TEKT1: variants seen among roughly 807,000 people sequenced by gnomAD.
TEKT1 encodes the protein tektin-1.
TEKT1 carries 32 observed loss-of-function variants against 34.8 expected under a neutral mutation model. That is an observed-to-expected ratio of 0.92 (90% CI 0.69 to 1.23). The LOEUF (loss-of-function observed/expected upper bound fraction) is 1.23, where lower values mean the gene tolerates loss of function less well. TEKT1 is among the 50% of genes most tolerant of loss of function. The probability of loss-of-function intolerance (pLI) is 0.00; values close to 1 mark genes in which losing one functional copy is unlikely to be tolerated. For synonymous variants in TEKT1, 207 were observed against 199.8 expected, an observed-to-expected ratio of 1.04 and a Z score of -0.30; for missense variants, 492 against 518.5, an observed-to-expected ratio of 0.95 and a Z score of 0.50.
At chr17:6,830,087 T>C (rs1268371333) in intron 2 of TEKT1, 100 bp downstream of exon 2, 1 of 1,199,936 alleles carries the variant, frequency 8.3e-7, no homozygotes, top group African/African-American at 1.6e-5. Flanking sequence ...TTCTCTAATA[T>C]TCAAAAATAA....
chr17:6,806,876 C>T (rs1976852241), intron 6 of TEKT1, among the ~76,000 whole-genome samples: 1 of 152,138 alleles, frequency 6.6e-6, no homozygotes, highest in Non-Finnish European at 1.5e-5. Flanking sequence ...GGTAACCCAA[C>T]CTTTCTCTCT....
intron 3 of TEKT1, among the ~76,000 whole-genome samples, chr17:6,816,984 T>C (rs1195628652): frequency 6.6e-6 from 1 of 152,082 alleles, no homozygotes; most frequent in African/African-American, 2.4e-5. Flanking sequence ...GGACTTTTTT[T>C]CCCAAGAAGA....
chr17:6,818,318 A>C (rs117663816), intron 3 of TEKT1, among the ~76,000 whole-genome samples: 5,621 of 152,286 alleles, frequency 0.037, 145 homozygotes, highest in Middle Eastern at 0.14. Context: ...ATAGGGGACT[A>C]TGCTAACAGC....
At position 6,801,805 on chromosome 17, in the gene TEKT1, C is replaced by T. The variant is rs573852971; in HGVS notation, c.853-862G>A. ...GTTTAAAATATATTTCTTCATTAAGCATTTTTTTTAAAACTTGTACATCTA... is the reference window on the plus strand; with the variant it reads ...GTTTAAAATATATTTCTTCATTAAGTATTTTTTTTAAAACTTGTACATCTA... On this transcript the variant is annotated intron_variant, in intron 6 of 7. Coordinates refer to ENST00000338694, the MANE Select transcript of TEKT1 (RefSeq NM_053285.2). Among the ~76,000 whole-genome samples the T allele has an allele frequency of 1.8e-4, 27 of 152,228 alleles. No individual in the cohort carries two copies. The South Asian group carries it at 5.0e-3, about 28-fold the overall frequency.
Position 6,830,327 on chromosome 17 carries a change from T to C in TEKT1, c.50A>G (p.His17Arg). Residue 17 changes from histidine to arginine, a missense_variant, in exon 2 of 8, where the codon CAC becomes CGC. By Grantham distance (29) the His-to-Arg change is conservative. Coordinates refer to ENST00000338694, the MANE Select transcript of TEKT1 (RefSeq NM_053285.2). ...PPPKFLPSEWHIANKNQYHRA... is the reference protein window; with the variant it reads ...PPPKFLPSEWRIANKNQYHRA... ...GTGGTACTGGTTCTTGTTAGCAATG[T>C]GCCACTCTGAGGGCAGGAACTTGGG... is the stretch of plus-strand genomic sequence containing the variant. 6.2e-7 allele frequency: 1 copy of C among 1,608,666 alleles called. No individual in the cohort carries two copies. Among genetic ancestry groups the C allele is most frequent in the Non-Finnish European group, 8.5e-7 (1 of 1,179,096 alleles).
chr17:6,818,418 A>G (rs1230250764), intron 3 of TEKT1, among the ~76,000 whole-genome samples: 1 of 151,946 alleles, frequency 6.6e-6, no homozygotes, highest in Admixed American at 6.6e-5. Context: ...GGATCATTCT[A>G]TTCACTGGAT....
At position 6,830,198 on chromosome 17, in the gene TEKT1, T is replaced by C. The variant is rs757149528; in HGVS notation, c.179A>G (p.Asn60Ser). ...GCATGTTGTCTTACCTAGTTTCTTG[T>C]TCACATCGCTTTGAGATTTTCTTGT... ...KTTRKSQSDV[N>S]KKLEQRLEEV... The change falls in exon 2 of 8, where the codon AAC becomes AGC. Residue 60 changes from asparagine (N) to serine (S), a missense_variant. By Grantham distance (46) the Asn-to-Ser change is conservative. Coordinates refer to ENST00000338694, the MANE Select transcript of TEKT1 (RefSeq NM_053285.2). The C allele has an allele frequency of 1.9e-6, 3 of 1,609,462 alleles. No homozygotes were observed. The highest frequency in any genetic ancestry group is 1.3e-5 in the African/African-American group (1 of 74,530).
intron 5 of TEKT1, 34 bp from the exon 6 acceptor site, chr17:6,813,087 A>T (rs747647024): frequency 3.5e-5 from 55 of 1,580,446 alleles, no homozygotes; most frequent in Middle Eastern, 1.7e-4. Context: ...TTCACAGCAT[A>T]TTTGGGGTGG....
chr17:6,801,703 G>A (rs544064161), intron 6 of TEKT1, among the ~76,000 whole-genome samples: 92 of 151,852 alleles, frequency 6.1e-4, no homozygotes, highest in African/African-American at 1.9e-3. Context: ...GTGAGACTCC[G>A]CCTCAGAAAA....
At chr17:6,810,778 G>T (rs1976916113) in intron 6 of TEKT1, among the ~76,000 whole-genome samples, 1 of 151,842 alleles carries the variant, frequency 6.6e-6, no homozygotes, top group South Asian at 2.1e-4. Flanking sequence ...CGCTCTTATT[G>T]CCCAGGCTGG....
intron 6 of TEKT1, among the ~76,000 whole-genome samples, chr17:6,807,265 A>G (rs868335633): frequency 5.3e-5 from 8 of 152,302 alleles, no homozygotes; most frequent in Admixed American, 2.6e-4. Flanking sequence ...CGAATTGGCT[A>G]CTGAGGCTTG....
chr17:6,822,735 C>T (rs1977110960), intron 2 of TEKT1, among the ~76,000 whole-genome samples: 1 of 152,192 alleles, frequency 6.6e-6, no homozygotes, highest in African/African-American at 2.4e-5. Flanking sequence ...TCTCTATGCA[C>T]TATCTGTCTC....
rs138123390 is a variant in TEKT1, at chr17:6,801,305, C to A, written c.853-362G>T. On this transcript the variant is annotated intron_variant, in intron 6 of 7. Coordinates refer to ENST00000338694, the MANE Select transcript of TEKT1 (RefSeq NM_053285.2). ...GAGCAGAAAGCTGCCTATTTCCTCA[C>A]CACTCCTATCCTGCTAGCACCAGCT... 5.6e-4 allele frequency among the ~76,000 whole-genome samples: 85 copies of A among 152,334 alleles called. 2 individuals are homozygous for A. Among genetic ancestry groups the A allele is most frequent in the African/African-American group, 1.9e-3 (77 of 41,580 alleles).
At position 6,825,293 on chromosome 17, in the gene TEKT1, A is replaced by G. The variant is rs146267974; in HGVS notation, c.190+4894T>C. Among the ~76,000 whole-genome samples the G allele has an allele frequency of 1.1e-4, 16 of 152,266 alleles. No homozygotes were observed. The East Asian group carries it at 2.7e-3, about 26-fold the overall frequency. On this transcript the variant is annotated intron_variant, in intron 2 of 7. Coordinates refer to ENST00000338694, the MANE Select transcript of TEKT1 (RefSeq NM_053285.2). ...ATTGAGTAGTCATTGGATGTGACCAATTGGAAGTGATGTGCCCTCTCCTCC... is the reference window on the plus strand; with the variant it reads ...ATTGAGTAGTCATTGGATGTGACCAGTTGGAAGTGATGTGCCCTCTCCTCC...
chr17:6,802,405 C>A (rs1270606019), intron 6 of TEKT1, among the ~76,000 whole-genome samples: 1 of 151,406 alleles, frequency 6.6e-6, no homozygotes, highest in Non-Finnish European at 1.5e-5. Flanking sequence ...TGATACATAA[C>A]TTTTTAAAAT....
chr17:6,801,765 A>G (rs1167269613), intron 6 of TEKT1, among the ~76,000 whole-genome samples: 1 of 152,210 alleles, frequency 6.6e-6, no homozygotes, highest in Non-Finnish European at 1.5e-5. Flanking sequence ...TTTTAACAAA[A>G]TTAATATTTA....
Position 6,815,363 on chromosome 17 carries a change from G to A in TEKT1, c.486-57C>T, listed in dbSNP as rs1446952187. 13 of 1,608,824 alleles carry A rather than the reference G, an allele frequency of 8.1e-6. 1 individual carries two copies. The highest frequency in any genetic ancestry group is 3.3e-5 in the Admixed American group (2 of 59,986). On this transcript the variant is annotated intron_variant, in intron 4 of 7. Coordinates refer to ENST00000338694, the MANE Select transcript of TEKT1 (RefSeq NM_053285.2). Reference sequence around the variant, plus strand: ...TCTGGAGTGCCCAGGTGGCACCCACGTCCTCAGAGAGGTCCTGGAAAGTGA... The same window carrying A: ...TCTGGAGTGCCCAGGTGGCACCCACATCCTCAGAGAGGTCCTGGAAAGTGA...
At chr17:6,801,875 TAGTCATCAGC>T (rs2151580980) in intron 6 of TEKT1, among the ~76,000 whole-genome samples, 1 of 152,324 alleles carries the variant, frequency 6.6e-6, no homozygotes, top group East Asian at 1.9e-4. Context: ...GAACCTCGCA[TAGTCATCAGC>T]AGTTTCAGCA....
chr17:6,825,010 A>G (rs560551836), intron 2 of TEKT1, among the ~76,000 whole-genome samples: 2 of 152,318 alleles, frequency 1.3e-5, no homozygotes, highest in South Asian at 4.1e-4. Flanking sequence ...GGTCATCAAG[A>G]AAGATTGCTT....
Sources: allele counts gnomAD v4.1 joint callset (sites outside exome capture counted in the v4.1 genomes callset), GRCh38; gene constraint gnomAD v4.1.1; transcripts MANE v1.5; gene names NCBI Gene and HGNC (gene_info 2026-07-23, HGNC 2026-07-21).